Variants in RIMS1 observed in about 807,000 individuals in gnomAD.
RIMS1 encodes the protein regulating synaptic membrane exocytosis protein 1.
RIMS1 carries 83 observed loss-of-function variants against 214.1 expected under a neutral mutation model. That is an observed-to-expected ratio of 0.39 (90% confidence interval 0.32 to 0.47). The LOEUF is 0.47. Among genes scored for constraint, RIMS1 ranks in the 20% least tolerant of loss-of-function variants. The pLI is 0.99. For synonymous variants in RIMS1, 793 were observed against 786.8 expected (o/e 1.01, Z -0.13); for missense variants, 2,050 against 2,161.8 (o/e 0.95, Z 1.03).
intron 4 of RIMS1, among the ~76,000 whole-genome samples, chr6:72,127,235 G>C (rs1233085005): frequency 6.6e-6 from 1 of 151,618 alleles, no homozygotes; most frequent in Non-Finnish European, 1.5e-5. Flanking sequence ...TAATTTGTGA[G>C]CTTCAATTTA....
intron 6 of RIMS1, among the ~76,000 whole-genome samples, chr6:72,184,556 A>G (rs78810136): frequency 0.057 from 8,750 of 152,314 alleles, 361 homozygotes; most frequent in Non-Finnish European, 0.086. Context: ...AAGCAGAAGG[A>G]TAGTCAAGGA....
At chr6:72,284,501 T>C (rs562969702) in intron 24 of RIMS1, among the ~76,000 whole-genome samples, 1 of 152,274 alleles carries the variant, frequency 6.6e-6, no homozygotes, top group African/African-American at 2.4e-5. Flanking sequence ...CTTATTTATC[T>C]AAATAATGCC....
intron 1 of RIMS1, among the ~76,000 whole-genome samples, chr6:71,902,095 G>A (rs749915751): frequency 9.2e-5 from 14 of 152,198 alleles, no homozygotes; most frequent in Middle Eastern, 3.4e-3. Context: ...AGTTAAGAAT[G>A]TTTAGAAATC....
At chr6:72,227,747 AT>A (rs2060646238) in intron 6 of RIMS1, among the ~76,000 whole-genome samples, 1 of 151,946 alleles carries the variant, frequency 6.6e-6, no homozygotes, top group East Asian at 1.9e-4. Context: ...CGGAGGTTTC[AT>A]TGAGTACGAA....
At chr6:72,349,837 TAAAAC>T (rs1317976871) in intron 29 of RIMS1, among the ~76,000 whole-genome samples, 4 of 151,974 alleles carry the variant, frequency 2.6e-5, no homozygotes, top group African/African-American at 9.7e-5. Context: ...AAAGGAAAAA[TAAAAC>T]AGAAGAATCA....
chr6:72,149,727 A>T (rs967899331), intron 4 of RIMS1, among the ~76,000 whole-genome samples: 5 of 152,226 alleles, frequency 3.3e-5, no homozygotes, highest in African/African-American at 1.2e-4. Flanking sequence ...AGCCCCTAGA[A>T]ATGATGCAGG....
intron 29 of RIMS1, among the ~76,000 whole-genome samples, chr6:72,376,489 C>T (rs2098383348): frequency 6.6e-6 from 1 of 152,174 alleles, no homozygotes; most frequent in African/African-American, 2.4e-5. Flanking sequence ...CTCCGTGGCT[C>T]ATTCCTGTAA....
chr6:72,041,014 T>A (rs980210661), intron 2 of RIMS1, among the ~76,000 whole-genome samples: 1 of 151,976 alleles, frequency 6.6e-6, no homozygotes, highest in Non-Finnish European at 1.5e-5. Flanking sequence ...ACGATACAAA[T>A]TGACCTTTAA....
At chr6:71,957,683 A>G (rs1407887978) in intron 1 of RIMS1, among the ~76,000 whole-genome samples, 1 of 150,690 alleles carries the variant, frequency 6.6e-6, no homozygotes, top group East Asian at 1.9e-4. Flanking sequence ...TAATATAATT[A>G]AAATTATTTT....
chr6:72,200,174 G>A (rs1263331864), intron 6 of RIMS1, among the ~76,000 whole-genome samples: 2 of 151,986 alleles, frequency 1.3e-5, no homozygotes, highest in African/African-American at 2.4e-5. Context: ...AAGAGCAGTG[G>A]GTTCACATGG....
At chr6:71,963,883 T>C (rs1227146982) in intron 1 of RIMS1, among the ~76,000 whole-genome samples, 3 of 152,202 alleles carry the variant, frequency 2.0e-5, no homozygotes, top group African/African-American at 7.2e-5. Flanking sequence ...TTTCATTCTT[T>C]TTATCTTCTT....
At position 72,058,495 on chromosome 6, in the gene RIMS1, A is replaced by C. The variant is rs182679527; in HGVS notation, c.246-38454A>C. ...GCACTGCCTGCCAGGTTCTCAGTGT[A>C]TCTCCACCTGACTGAGTCTGTCTTT... On this transcript the variant is annotated intron_variant, in intron 2 of 33. Coordinates refer to ENST00000521978, the MANE Select transcript of RIMS1 (RefSeq NM_014989.7). Among the ~76,000 whole-genome samples the C allele has an allele frequency of 7.2e-5, 11 of 152,322 alleles. No individual in the cohort carries two copies. The East Asian group carries it at 1.9e-3, about 27-fold the overall frequency.
intron 4 of RIMS1, among the ~76,000 whole-genome samples, chr6:72,122,044 A>T (rs1050690241): frequency 1.3e-5 from 2 of 151,652 alleles, no homozygotes; most frequent in Non-Finnish European, 1.5e-5. Flanking sequence ...GTGCTGCTGG[A>T]TTTGGTTTGC....
chr6:72,015,317 T>C (rs924280239), intron 2 of RIMS1, among the ~76,000 whole-genome samples: 1 of 152,188 alleles, frequency 6.6e-6, no homozygotes, highest in Non-Finnish European at 1.5e-5. Flanking sequence ...GCATTTTGAA[T>C]CTTGAATTTT....
At chr6:72,115,378 G>A (rs1488888225) in intron 4 of RIMS1, among the ~76,000 whole-genome samples, 1 of 151,854 alleles carries the variant, frequency 6.6e-6, no homozygotes, top group African/African-American at 2.4e-5. Flanking sequence ...TCCTTCGTAT[G>A]TCAATCAAAT....
intron 24 of RIMS1, among the ~76,000 whole-genome samples, chr6:72,287,586 G>T (rs2092574471): frequency 6.6e-6 from 1 of 151,578 alleles, no homozygotes; most frequent in Admixed American, 6.6e-5. Flanking sequence ...TTAAACTTTT[G>T]CTCTGCAAAC....
At chr6:71,919,403 G>A (rs1252788081) in intron 1 of RIMS1, among the ~76,000 whole-genome samples, 1 of 151,488 alleles carries the variant, frequency 6.6e-6, no homozygotes, top group Admixed American at 6.6e-5. Context: ...GAGGACACGG[G>A]AAGGAAAAAA....
At position 72,379,488 on chromosome 6, in the gene RIMS1, A is replaced by G. The variant is rs893174818; in HGVS notation, c.4367-11110A>G. ...CATGTAATTATCTGTGACATGTTGC[A>G]GCTTAATTTTACGGCATTCTAAATA... On this transcript the variant is annotated intron_variant, in intron 29 of 33. Coordinates refer to ENST00000521978, the MANE Select transcript of RIMS1 (RefSeq NM_014989.7). Among the ~76,000 whole-genome samples the G allele has an allele frequency of 3.9e-5, 6 of 152,262 alleles. No individual in the cohort carries two copies. In the South Asian group the frequency reaches 1.2e-3, roughly 31 times the overall value.
intron 28 of RIMS1, among the ~76,000 whole-genome samples, chr6:72,314,838 T>G (rs2095685044): frequency 6.6e-6 from 1 of 152,152 alleles, no homozygotes. Context: ...AAGGACTTTT[T>G]TTTTACCTTA....
Sources: allele counts gnomAD v4.1 joint callset (sites outside exome capture counted in the v4.1 genomes callset), GRCh38; gene constraint gnomAD v4.1.1; transcripts MANE v1.5; gene names NCBI Gene and HGNC (gene_info 2026-07-23, HGNC 2026-07-21).